The following TYW1 variants were observed in gnomAD, a reference collection of about 807,000 sequenced individuals.
The protein encoded by TYW1 is tRNA-yW synthesizing protein 1 homolog.
TYW1 carries 46 observed loss-of-function variants against 96.2 expected under a neutral mutation model. The observed-to-expected ratio is 0.48, with a 90% CI of 0.38 to 0.61. The LOEUF is 0.61. TYW1 is among the 20% of genes least tolerant of loss of function. The pLI, the probability that TYW1 is intolerant of heterozygous loss-of-function variation, is 0.00. For synonymous variants in TYW1, 274 were observed against 323.0 expected, an observed-to-expected ratio of 0.85 and a Z score of 1.63; for missense variants, 684 against 909.6, an observed-to-expected ratio of 0.75 and a Z score of 3.19.
At chr7:67,044,361 G>A (rs1454352388) in intron 7 of TYW1, among the ~76,000 whole-genome samples, 2 of 151,948 alleles carry the variant, frequency 1.3e-5, no homozygotes, top group Non-Finnish European at 1.5e-5. Flanking sequence ...GCCTCCCAAA[G>A]TGCTGGGATT....
chr7:67,174,084 A>G (rs544272031), intron 13 of TYW1, among the ~76,000 whole-genome samples: 1 of 147,346 alleles, frequency 6.8e-6, no homozygotes, highest in African/African-American at 2.5e-5. Flanking sequence ...CTTTTGTTTG[A>G]TAACCAAGAT....
intron 15 of TYW1, among the ~76,000 whole-genome samples, chr7:67,222,154 A>C (rs1029380397): frequency 6.6e-6 from 1 of 152,142 alleles, no homozygotes; most frequent in African/African-American, 2.4e-5. Flanking sequence ...CTGAGATCGC[A>C]CCACTACACT....
chr7:67,008,881 C>T (rs1019095282), intron 3 of TYW1, among the ~76,000 whole-genome samples: 2 of 152,186 alleles, frequency 1.3e-5, no homozygotes, highest in East Asian at 1.9e-4. Context: ...AGGCTGGTCT[C>T]GCATTCCTGA....
chr7:67,153,925 CTTT>C (rs34003922), intron 13 of TYW1, among the ~76,000 whole-genome samples: 37,815 of 130,372 alleles, frequency 0.29, 5,300 homozygotes, highest in African/African-American at 0.41. Flanking sequence ...TAACGACTTT[CTTT>C]TTTTTTTTTT....
intron 9 of TYW1, among the ~76,000 whole-genome samples, chr7:67,056,544 T>G (rs1213331300): frequency 6.6e-6 from 1 of 151,702 alleles, no homozygotes; most frequent in Non-Finnish European, 1.5e-5. Flanking sequence ...TAATGTGCAG[T>G]CTTTTGCAAC....
Position 67,083,521 on chromosome 7 carries a change from A to G in TYW1, c.1366A>G (p.Met456Val), listed in dbSNP as rs747251618. 1.9e-6 allele frequency: 3 copies of G among 1,614,154 alleles called. No individual in the cohort carries two copies. The highest frequency in any genetic ancestry group is 1.7e-6 in the Non-Finnish European group (2 of 1,180,012). The change falls in exon 11 of 16, where the codon ATG becomes GTG. Residue 456 changes from methionine to valine, a missense_variant. Met to Val is a conservative substitution (Grantham distance 21, BLOSUM62 1). Transcript: ENST00000359626. The stretch of plus-strand genomic sequence containing the variant: ...GGAAGCCATTGAAAACCATCAGAAC[A>G]TGATTAAGCAGTTTAAAGGTATTTA... ...LKEAIENHQN[M>V]IKQFKGVPGV...
At chr7:67,220,487 G>A (rs1195716924) in intron 15 of TYW1, among the ~76,000 whole-genome samples, 2 of 152,126 alleles carry the variant, frequency 1.3e-5, no homozygotes, top group South Asian at 2.1e-4. Context: ...ACAGGCCTAA[G>A]CCACCACGCC....
intron 11 of TYW1, among the ~76,000 whole-genome samples, chr7:67,095,915 A>G (rs1796895117): frequency 6.6e-6 from 1 of 152,170 alleles, no homozygotes; most frequent in Admixed American, 6.6e-5. Context: ...TTAAGGTGAC[A>G]GTGACTGGGA....
chr7:67,079,093 G>C (rs1340872704), intron 10 of TYW1, among the ~76,000 whole-genome samples: 1 of 151,800 alleles, frequency 6.6e-6, no homozygotes, highest in Non-Finnish European at 1.5e-5. Flanking sequence ...GGTAATACTG[G>C]CCTCGTATAA....
At chr7:67,073,540 G>A (rs1309690075) in intron 10 of TYW1, among the ~76,000 whole-genome samples, 1 of 152,132 alleles carries the variant, frequency 6.6e-6, no homozygotes, top group Non-Finnish European at 1.5e-5. Flanking sequence ...GGGAGGCTGA[G>A]GCAGGCGGAT....
chr7:67,213,848 C>T (rs1269953073), intron 15 of TYW1, among the ~76,000 whole-genome samples: 2 of 152,112 alleles, frequency 1.3e-5, no homozygotes, highest in Non-Finnish European at 2.9e-5. Context: ...TATTTCTGGC[C>T]TTTCTATTCC....
chr7:67,227,004 G>A (rs1446584964), intron 15 of TYW1, among the ~76,000 whole-genome samples: 1 of 152,176 alleles, frequency 6.6e-6, no homozygotes, highest in Non-Finnish European at 1.5e-5. Context: ...AAAAGCCCTT[G>A]AGTGTAGAAA....
intron 11 of TYW1, among the ~76,000 whole-genome samples, chr7:67,086,767 C>G (rs1210019537): frequency 6.6e-6 from 1 of 152,122 alleles, no homozygotes; most frequent in African/African-American, 2.4e-5. Flanking sequence ...TAATCTCATC[C>G]AAAACACCTC....
At chr7:67,095,767 C>T (rs1796890058) in intron 11 of TYW1, among the ~76,000 whole-genome samples, 1 of 152,036 alleles carries the variant, frequency 6.6e-6, no homozygotes, top group Admixed American at 6.6e-5. Flanking sequence ...CAGCCCCTCA[C>T]ACGTGGTGCT....
At chr7:67,090,676 G>C (rs561062488) in intron 11 of TYW1, among the ~76,000 whole-genome samples, 1 of 152,020 alleles carries the variant, frequency 6.6e-6, no homozygotes, top group Non-Finnish European at 1.5e-5. Flanking sequence ...AACAGATCGT[G>C]TGTGTGCATG....
Position 67,181,182 on chromosome 7 carries a change from G to A in TYW1, c.1699-1944G>A, listed in dbSNP as rs1799830196. Among the ~76,000 whole-genome samples the A allele has an allele frequency of 9.9e-5, 15 of 152,278 alleles. No individual in the cohort carries two copies. The South Asian group carries it at 2.7e-3, about 27-fold the overall frequency. ...TGTTGAACTACTAGTATAATGAATTGTATTACTGTATAGCCTAATATTGAA... is the reference window on the plus strand; with the variant it reads ...TGTTGAACTACTAGTATAATGAATTATATTACTGTATAGCCTAATATTGAA... On this transcript the variant is annotated intron_variant, in intron 13 of 15. Coordinates refer to ENST00000359626, the MANE Select transcript of TYW1 (RefSeq NM_018264.4).
rs34475001 is a variant in TYW1, at chr7:67,006,948, C to CTTTTTTTTTTTTTTT, written c.274-2620_274-2606dup. 1.3e-4 allele frequency among the ~76,000 whole-genome samples: 6 copies of CTTTTTTTTTTTTTTT among 45,142 alleles called. 1 individual carries two copies. The highest frequency in any genetic ancestry group is 2.2e-4 in the Non-Finnish European group (6 of 27,180). The allele number at this position is 45,142 out of a possible 152,430, so 29.6% of individuals were successfully genotyped here. On this transcript the variant is annotated intron_variant, in intron 3 of 15. Coordinates refer to ENST00000359626, the MANE Select transcript of TYW1 (RefSeq NM_018264.4). ...CAAAACAGTAGGGAGAGATGTGAGG[C>CTTTTTTTTTTTTTTT]TTTTTTTTTTTTTTTTTTTTTTTTT...
intron 11 of TYW1, chr7:67,089,545 A>C: frequency 1.5e-6 from 1 of 650,840 alleles, no homozygotes; most frequent in East Asian, 2.9e-5. Context: ...CCCCATGACA[A>C]AGAACGCCTG....
At chr7:67,124,866 C>T (rs1584591837) in intron 13 of TYW1, among the ~76,000 whole-genome samples, 1 of 151,752 alleles carries the variant, frequency 6.6e-6, no homozygotes, top group South Asian at 2.1e-4. Context: ...TGGAGTTTTG[C>T]TCTTGTTGCC....
Sources: gnomAD v4.1 joint callset for allele counts (sites outside exome capture counted in the v4.1 genomes callset) on GRCh38, gnomAD v4.1.1 for gene constraint, MANE v1.5 for transcripts, NCBI Gene and HGNC (gene_info 2026-07-23, HGNC 2026-07-21) for gene names.